KCMF1: variants seen among roughly 807,000 people sequenced by gnomAD.
KCMF1 encodes the protein potassium channel modulatory factor 1.
In KCMF1, 3 loss-of-function variants were observed where a neutral mutation model predicts 41.1. That is an observed-to-expected ratio of 0.07 (90% CI 0.03 to 0.19). The LOEUF is 0.19. Among genes scored for constraint, KCMF1 ranks in the 10% least tolerant of loss-of-function variants. The pLI is 1.00. For synonymous variants in KCMF1, 142 were observed against 164.5 expected (o/e 0.86, Z 1.04); for missense variants, 286 against 488.9 (o/e 0.58, Z 3.91).
chr2:84,978,928 G>A (rs1673628425), intron 1 of KCMF1, among the ~76,000 whole-genome samples: 1 of 151,920 alleles, frequency 6.6e-6, no homozygotes, highest in Non-Finnish European at 1.5e-5. Flanking sequence ...TGGTCAGGCT[G>A]GTCTCGAACT....
chr2:85,022,834 T>TA (rs891284396), intron 1 of KCMF1, among the ~76,000 whole-genome samples: 1 of 152,030 alleles, frequency 6.6e-6, no homozygotes, highest in Admixed American at 6.6e-5. Flanking sequence ...TTTTACTACA[T>TA]GTTTGATTTC....
At chr2:85,028,193 T>G in intron 2 of KCMF1, 137 bp downstream of exon 2, 2 of 614,136 alleles carry the variant, frequency 3.3e-6, no homozygotes, top group South Asian at 4.5e-5. Flanking sequence ...AAATCTTACT[T>G]TTTTTTGAGA....
At chr2:85,040,651 C>T (rs1199101046) in intron 3 of KCMF1, among the ~76,000 whole-genome samples, 2 of 152,192 alleles carry the variant, frequency 1.3e-5, no homozygotes, top group Non-Finnish European at 2.9e-5. Context: ...ATCGCATCAG[C>T]ATCTGAGCTT....
intron 6 of KCMF1, 59 bp downstream of exon 6, chr2:85,049,707 C>A: frequency 7.6e-7 from 1 of 1,315,008 alleles, no homozygotes; most frequent in South Asian, 1.4e-5. Context: ...CCACTACAGT[C>A]TGGAATTATC....
At chr2:85,017,469 G>A (rs1006067548) in intron 1 of KCMF1, among the ~76,000 whole-genome samples, 2 of 151,914 alleles carry the variant, frequency 1.3e-5, no homozygotes, top group Non-Finnish European at 2.9e-5. Context: ...GATACACACC[G>A]TTTTTTAAAA....
At chr2:85,016,099 A>G (rs534246384) in intron 1 of KCMF1, among the ~76,000 whole-genome samples, 5 of 152,326 alleles carry the variant, frequency 3.3e-5, no homozygotes, top group African/African-American at 1.2e-4. Context: ...GAATGAATGT[A>G]TCAGTTTCAA....
At chr2:84,993,343 G>T (rs1297494977) in intron 1 of KCMF1, among the ~76,000 whole-genome samples, 1 of 152,090 alleles carries the variant, frequency 6.6e-6, no homozygotes, top group Admixed American at 6.6e-5. Flanking sequence ...AGCTCATCAC[G>T]ACTGAGTAGC....
chr2:85,026,772 A>G (rs1283541970), intron 1 of KCMF1, among the ~76,000 whole-genome samples: 1 of 152,196 alleles, frequency 6.6e-6, no homozygotes, highest in Non-Finnish European at 1.5e-5. Flanking sequence ...TATAGGTGTT[A>G]GCCACCACAC....
intron 4 of KCMF1, among the ~76,000 whole-genome samples, chr2:85,044,967 C>G (rs888408692): frequency 5.9e-5 from 9 of 152,338 alleles, no homozygotes; most frequent in Non-Finnish European, 8.8e-5. Flanking sequence ...CTGTCACCAG[C>G]TGGGTACAGT....
intron 1 of KCMF1, among the ~76,000 whole-genome samples, chr2:84,984,504 A>G (rs77419921): frequency 2.0e-5 from 3 of 151,374 alleles, no homozygotes; most frequent in Non-Finnish European, 4.4e-5. Flanking sequence ...CCTTTTATTT[A>G]TTTTTTTCTT....
chr2:85,000,355 C>T (rs1250678082), intron 1 of KCMF1, among the ~76,000 whole-genome samples: 1 of 152,146 alleles, frequency 6.6e-6, no homozygotes, highest in Non-Finnish European at 1.5e-5. Context: ...GATCTCCTGA[C>T]CTCGTGATCC....
intron 1 of KCMF1, among the ~76,000 whole-genome samples, chr2:85,010,824 T>C (rs536174235): frequency 6.6e-6 from 1 of 152,174 alleles, no homozygotes; most frequent in East Asian, 1.9e-4. Flanking sequence ...TCCTGTGTTA[T>C]TCAGTGAGTT....
At position 85,059,386 on chromosome 2, in the gene KCMF1, A is replaced by G. The variant is rs1676011588; in HGVS notation, c.*5977A>G. 1 of 152,188 alleles carries G rather than the reference A, an allele frequency of 6.6e-6. No homozygotes were observed. The highest frequency in any genetic ancestry group is 1.9e-4 in the East Asian group (1 of 5,202). 9.4% of individuals were successfully genotyped at this position (152,188 alleles called of 1,614,324 possible). On this transcript the variant is annotated 3_prime_UTR_variant, in exon 7 of 7. Transcript: ENST00000409785. The stretch of plus-strand genomic sequence containing the variant: ...AGGCTCCGAGACTAATTTGTACTGA[A>G]CCCTTGATATAGATTACCTTTTATA...
At chr2:84,993,902 T>TTTTTGTTTTGTTTTG (rs199701778) in intron 1 of KCMF1, among the ~76,000 whole-genome samples, 11 of 135,402 alleles carry the variant, frequency 8.1e-5, no homozygotes, top group African/African-American at 2.3e-4. Context: ...GTTTGAACAT[T>TTTTTGTTTTGTTTTG]TTTTGTTTTG....
At chr2:84,972,144 C>G (rs529272965) in intron 1 of KCMF1, 2 of 152,376 alleles carry the variant, frequency 1.3e-5, no homozygotes, top group Admixed American at 1.3e-4. Context: ...AAACTCCCTG[C>G]TCAGTCACCC....
chr2:85,052,099 C>A (rs188666693), intron 6 of KCMF1, among the ~76,000 whole-genome samples: 3 of 152,136 alleles, frequency 2.0e-5, no homozygotes, highest in Non-Finnish European at 4.4e-5. Context: ...GATAGAATTT[C>A]GCTCTTGTTG....
intron 1 of KCMF1, among the ~76,000 whole-genome samples, chr2:84,998,556 C>A (rs931743421): frequency 1.3e-5 from 2 of 151,980 alleles, no homozygotes; most frequent in African/African-American, 4.8e-5. Flanking sequence ...TCAACCCTGT[C>A]AGAGCCAACG....
chr2:85,035,299 C>A, intron 3 of KCMF1, 144 bp downstream of exon 3: 1 of 803,682 alleles, frequency 1.2e-6, no homozygotes, highest in Non-Finnish European at 1.9e-6. Flanking sequence ...CTTTTAACAG[C>A]AAATTTTATA....
At chr2:85,016,617 A>G (rs370961632) in intron 1 of KCMF1, among the ~76,000 whole-genome samples, 1 of 151,866 alleles carries the variant, frequency 6.6e-6, no homozygotes, top group African/African-American at 2.4e-5. Flanking sequence ...ATCTGGAAGT[A>G]TCCTTTGACC....
Sources: allele counts gnomAD v4.1 joint callset (sites outside exome capture counted in the v4.1 genomes callset), GRCh38; gene constraint gnomAD v4.1.1; transcripts MANE v1.5; gene names NCBI Gene and HGNC (gene_info 2026-07-23, HGNC 2026-07-21).